The following DLG2 variants were observed in gnomAD, a reference collection of about 807,000 sequenced individuals.
DLG2 encodes discs large MAGUK scaffold protein 2.
In DLG2, 45 loss-of-function variants were observed where a neutral mutation model predicts 132.5. That is an observed-to-expected ratio of 0.34 (90% CI 0.27 to 0.44). DLG2 has a LOEUF of 0.44. Ranked by LOEUF, DLG2 falls within the 20% of genes least tolerant of loss-of-function variation. The pLI, the probability that DLG2 is intolerant of heterozygous loss-of-function variation, is 1.00. For missense variants in DLG2, 1,045 were observed against 1,196.9 expected, an observed-to-expected ratio of 0.87 and a Z score of 1.87; for synonymous variants, 424 against 419.6, an observed-to-expected ratio of 1.01 and a Z score of -0.13.
At chr11:84,050,528 T>C (rs1203987441) in intron 11 of DLG2, among the ~76,000 whole-genome samples, 1 of 152,044 alleles carries the variant, frequency 6.6e-6, no homozygotes, top group African/African-American at 2.4e-5. Context: ...TTTAATGAGA[T>C]CCCATTTGTC....
At chr11:83,876,742 C>T (rs1222260587) in intron 15 of DLG2, among the ~76,000 whole-genome samples, 3 of 152,106 alleles carry the variant, frequency 2.0e-5, no homozygotes, top group Non-Finnish European at 4.4e-5. Context: ...AGTGGGTGTA[C>T]TTTCCATTCT....
At chr11:84,235,322 A>G (rs950055207) in intron 8 of DLG2, among the ~76,000 whole-genome samples, 1 of 152,224 alleles carries the variant, frequency 6.6e-6, no homozygotes, top group Non-Finnish European at 1.5e-5. Flanking sequence ...CTGGAGCTGT[A>G]TCGAGGGCCG....
intron 9 of DLG2, among the ~76,000 whole-genome samples, chr11:84,102,228 G>A (rs2092587817): frequency 6.6e-6 from 1 of 152,044 alleles, no homozygotes; most frequent in Non-Finnish European, 1.5e-5. Flanking sequence ...GTGTTATTTT[G>A]TAGTTGTCTG....
At chr11:83,789,713 A>G (rs1594412186) in intron 17 of DLG2, among the ~76,000 whole-genome samples, 1 of 151,980 alleles carries the variant, frequency 6.6e-6, no homozygotes, top group East Asian at 1.9e-4. Context: ...ACGCCCAGCT[A>G]TTTTTTGTAT....
chr11:85,593,278 A>G (rs574559738), intron 3 of DLG2, among the ~76,000 whole-genome samples: 1 of 152,348 alleles, frequency 6.6e-6, no homozygotes, highest in East Asian at 1.9e-4. Context: ...CTGTTAATAT[A>G]TTACTTTCCC....
intron 6 of DLG2, among the ~76,000 whole-genome samples, chr11:85,008,297 A>T (rs2058873862): frequency 6.6e-6 from 1 of 152,154 alleles, no homozygotes; most frequent in Admixed American, 6.5e-5. Context: ...GATATAATAA[A>T]ACTCAAAATT....
intron 7 of DLG2, among the ~76,000 whole-genome samples, chr11:84,477,297 C>T (rs866805303): frequency 1.3e-5 from 2 of 152,018 alleles, no homozygotes; most frequent in African/African-American, 4.8e-5. Context: ...GAGTTCGAGA[C>T]CAGCCTGGAC....
chr11:84,125,139 C>T (rs1024015450), intron 9 of DLG2, among the ~76,000 whole-genome samples: 3 of 151,994 alleles, frequency 2.0e-5, no homozygotes, highest in Non-Finnish European at 2.9e-5. Flanking sequence ...TGTGAGCCAC[C>T]GTGCCTGGCC....
intron 9 of DLG2, among the ~76,000 whole-genome samples, chr11:84,111,732 GT>G (rs1343063573): frequency 3.9e-5 from 6 of 152,178 alleles, no homozygotes; most frequent in Admixed American, 3.9e-4. Flanking sequence ...AAGACGTACA[GT>G]TCTTGTTCTC....
At chr11:84,582,507 A>T (rs1308467463) in intron 6 of DLG2, among the ~76,000 whole-genome samples, 1 of 148,896 alleles carries the variant, frequency 6.7e-6, no homozygotes, top group African/African-American at 2.4e-5. Flanking sequence ...CATATATATA[A>T]AATACATATA....
intron 19 of DLG2, among the ~76,000 whole-genome samples, chr11:83,582,957 A>G (rs1396100173): frequency 2.6e-5 from 4 of 152,212 alleles, no homozygotes; most frequent in Admixed American, 6.5e-5. Flanking sequence ...GAAGATTCAA[A>G]GCGGCAAAGT....
intron 6 of DLG2, among the ~76,000 whole-genome samples, chr11:84,544,831 A>G (rs1465800579): frequency 6.6e-6 from 1 of 152,208 alleles, no homozygotes; most frequent in Non-Finnish European, 1.5e-5. Context: ...TGTCGTAACA[A>G]CAACAGCCAC....
chr11:84,667,498 G>GT (rs57863742), intron 6 of DLG2, among the ~76,000 whole-genome samples: 86,880 of 121,412 alleles, frequency 0.72, 31,496 homozygotes, highest in East Asian at 0.79. Context: ...TTTGTTTTTT[G>GT]TTTTTTTTTT....
intron 9 of DLG2, among the ~76,000 whole-genome samples, chr11:84,152,636 T>C (rs2095328489): frequency 6.6e-6 from 1 of 152,110 alleles, no homozygotes. Flanking sequence ...TCTGCCTGTC[T>C]CGGCCCCCCA....
intron 6 of DLG2, among the ~76,000 whole-genome samples, chr11:84,896,715 A>G (rs2090234731): frequency 6.6e-6 from 1 of 151,994 alleles, no homozygotes; most frequent in Admixed American, 6.6e-5. Context: ...GATGAGTACA[A>G]TATAGTAAGA....
intron 18 of DLG2, among the ~76,000 whole-genome samples, chr11:83,714,788 T>C (rs2086301183): frequency 1.3e-5 from 2 of 152,204 alleles, no homozygotes; most frequent in African/African-American, 2.4e-5. Context: ...GTTTGTTACA[T>C]AGGTACACGT....
chr11:84,091,051 G>A (rs1436496065), intron 10 of DLG2, among the ~76,000 whole-genome samples: 1 of 152,152 alleles, frequency 6.6e-6, no homozygotes, highest in Non-Finnish European at 1.5e-5. Context: ...GTACAAAAAT[G>A]TTACTAGTGA....
chr11:83,709,989 C>A (rs2085013687), intron 18 of DLG2, among the ~76,000 whole-genome samples: 1 of 152,112 alleles, frequency 6.6e-6, no homozygotes, highest in South Asian at 2.1e-4. Flanking sequence ...TGTGGGTGAG[C>A]ATTTTGTGAA....
intron 7 of DLG2, among the ~76,000 whole-genome samples, chr11:84,457,330 A>T (rs1007324383): frequency 2.0e-5 from 3 of 151,082 alleles, no homozygotes; most frequent in African/African-American, 7.3e-5. Context: ...CTGGTAAGAG[A>T]TTGGATATAC....
Sources: allele counts gnomAD v4.1 joint callset (sites outside exome capture counted in the v4.1 genomes callset), GRCh38; gene constraint gnomAD v4.1.1; transcripts MANE v1.5; gene names NCBI Gene and HGNC (gene_info 2026-07-23, HGNC 2026-07-21).